SGO2: variants seen among roughly 807,000 people sequenced by gnomAD.
SGO2 encodes shugoshin-like 2.
Under a neutral mutation model 99.5 loss-of-function variants are expected in SGO2, and 68 were observed. That is an observed-to-expected ratio of 0.68 (90% confidence interval 0.56 to 0.84). The LOEUF is 0.84. Ranked by LOEUF, SGO2 falls within the 40% of genes least tolerant of loss-of-function variation. SGO2 has a pLI of 0.00. For missense variants in SGO2, 1,350 were observed against 1,436.7 expected, an observed-to-expected ratio of 0.94 and a Z score of 0.97; for synonymous variants, 457 against 487.1, an observed-to-expected ratio of 0.94 and a Z score of 0.81.
At chr2:200,582,564 T>G (rs1408215412) in intron 8 of SGO2, among the ~76,000 whole-genome samples, 1 of 152,132 alleles carries the variant, frequency 6.6e-6, no homozygotes, top group Non-Finnish European at 1.5e-5. Flanking sequence ...ATAGCTGGAA[T>G]TCACAATATT....
chr2:200,572,588 CA>C lies in SGO2; in HGVS notation c.2247del (p.Asp750IlefsTer9). ...TVKSHSLFLTQKDKEIIPGNL... is the reference protein window; with the variant it reads ...TVKSHSLFLTXKDKEIIPGNL... ...TAAAAGTCACTCACTCTTTTTAACG[CA>C]AAAAGATAAGGAAATCATCCCTGGA... On this transcript the variant is annotated frameshift_variant, in exon 7 of 9. Transcript: ENST00000357799. LOFTEE classifies it high-confidence loss of function. 6.2e-7 allele frequency: 1 copy of C among 1,612,094 alleles called. No individual in the cohort carries two copies. Among genetic ancestry groups the C allele is most frequent in the Non-Finnish European group, 8.5e-7 (1 of 1,178,734 alleles).
At position 200,573,231 on chromosome 2, in the gene SGO2, A is replaced by G. The variant is rs199710978; in HGVS notation, c.2885A>G (p.Tyr962Cys). ...TGCCAAGACATTATCAATAAACACT[A>G]TATGGAAGTCAACAGTAATGAAAAG... is the stretch of plus-strand genomic sequence containing the variant. ...LECQDIINKHYMEVNSNEKES... is the reference protein window; with the variant it reads ...LECQDIINKHCMEVNSNEKES... The change falls in exon 7 of 9, where the codon TAT (tyrosine) becomes TGT (cysteine). Residue 962 changes from tyrosine (Y) to cysteine (C), a missense_variant. Tyr to Cys is a radical substitution (Grantham distance 194, BLOSUM62 -2). Transcript: ENST00000357799. 6.9e-4 allele frequency: 1,090 copies of G among 1,589,166 alleles called. 14 individuals carry two copies. The highest frequency in any genetic ancestry group is 1.7e-4 in the Non-Finnish European group (198 of 1,173,174).
chr2:200,537,610 T>C (rs917832320), intron 4 of SGO2, among the ~76,000 whole-genome samples: 2 of 152,192 alleles, frequency 1.3e-5, no homozygotes, highest in African/African-American at 4.8e-5. Context: ...GGTTTCTCTT[T>C]ATTTTACTAA....
intron 5 of SGO2, among the ~76,000 whole-genome samples, chr2:200,550,544 A>G (rs1286667188): frequency 6.6e-6 from 1 of 152,122 alleles, no homozygotes; most frequent in Non-Finnish European, 1.5e-5. Flanking sequence ...TAAATGCACC[A>G]TTTACAACCA....
intron 4 of SGO2, among the ~76,000 whole-genome samples, chr2:200,538,386 G>A (rs2031798967): frequency 1.3e-5 from 2 of 152,124 alleles, no homozygotes; most frequent in South Asian, 4.1e-4. Flanking sequence ...TGACTCAAAA[G>A]TGACTGCAGT....
intron 5 of SGO2, among the ~76,000 whole-genome samples, chr2:200,560,934 G>T (rs1355299158): frequency 2.0e-5 from 3 of 152,038 alleles, no homozygotes; most frequent in Admixed American, 6.6e-5. Flanking sequence ...TCAAGTTTTT[G>T]GTTTCTTTTC....
intron 5 of SGO2, among the ~76,000 whole-genome samples, chr2:200,545,570 C>T (rs1264581246): frequency 6.6e-6 from 1 of 151,948 alleles, no homozygotes; most frequent in Non-Finnish European, 1.5e-5. Context: ...ATATACAGTG[C>T]CAAGATCTAC....
intron 8 of SGO2, chr2:200,580,599 A>G: frequency 3.1e-6 from 1 of 322,702 alleles, no homozygotes; most frequent in Non-Finnish European, 6.1e-6. Flanking sequence ...TGGGTGGCTG[A>G]GGTGAGAGGA....
At chr2:200,529,240 T>A (rs1490477748) in intron 1 of SGO2, among the ~76,000 whole-genome samples, 1 of 152,246 alleles carries the variant, frequency 6.6e-6, no homozygotes, top group African/African-American at 2.4e-5. Flanking sequence ...CATGCCATTC[T>A]TTCTTCCTGG....
At chr2:200,548,064 A>G (rs2032319659) in intron 5 of SGO2, among the ~76,000 whole-genome samples, 1 of 149,586 alleles carries the variant, frequency 6.7e-6, no homozygotes, top group African/African-American at 2.5e-5. Context: ...TTAACATCCC[A>G]CTCTCAGTAA....
chr2:200,560,914 A>T (rs1326990708), intron 5 of SGO2, among the ~76,000 whole-genome samples: 4 of 152,224 alleles, frequency 2.6e-5, no homozygotes, highest in African/African-American at 7.2e-5. Context: ...TAAAATAGAT[A>T]TGGGGCTTTT....
rs777131946 is a variant in SGO2 at position 200,573,793 on chromosome 2, T to G, written c.3447T>G (p.Asp1149Glu). Reference sequence around the variant, plus strand: ...AGATACATTCACCTAACATACAAGATTCTTCCTTTGACAGTGTTCGTGAAG... The same window carrying G: ...AGATACATTCACCTAACATACAAGAGTCTTCCTTTGACAGTGTTCGTGAAG... ...LSEIHSPNIQ[D>E]SSFDSVREGL... Residue 1149 changes from aspartate (D) to glutamate (E), a missense_variant, in exon 7 of 9, where the codon GAT becomes GAG. Transcript: ENST00000357799. The G allele has an allele frequency of 6.2e-7, 1 of 1,612,536 alleles. No homozygotes were observed. Among genetic ancestry groups the G allele is most frequent in the South Asian group, 1.1e-5 (1 of 90,812 alleles).
chr2:200,570,977 G>A lies in SGO2; in HGVS notation c.704-73G>A, dbSNP rs139329985. Reference sequence around the variant, plus strand: ...TATATCTGTGAAACAGCTTGATTTCGAATCTAATTTGTTTAAGGTAACTTA... The same window carrying A: ...TATATCTGTGAAACAGCTTGATTTCAAATCTAATTTGTTTAAGGTAACTTA... On this transcript the variant is annotated intron_variant, in intron 6 of 8. Transcript: ENST00000357799. This position sits in a 1 kb window ranked among gnomAD's most constrained non-coding sequence, Gnocchi z 4.4. The A allele has an allele frequency of 5.1e-5, 69 of 1,355,066 alleles. No homozygotes were observed. The highest frequency in any genetic ancestry group is 2.1e-4 in the East Asian group (9 of 42,062). 83.9% of individuals were successfully genotyped at this position (1,355,066 alleles called of 1,614,324 possible).
chr2:200,575,178 G>A (rs2033607624), intron 7 of SGO2, 133 bp from the exon 8 acceptor site: 1 of 472,482 alleles, frequency 2.1e-6, no homozygotes, highest in African/African-American at 2.0e-5. Flanking sequence ...TCAAATGTTA[G>A]TCTCTTTCCT....
rs1559216069 is a variant in SGO2 at position 200,571,650 on chromosome 2, G to A, written c.1304G>A (p.Arg435Lys). ...GAAAAGATTGAAAACAGGACAGAAA[G>A]ATCTGATGTCCTGGATGGCAAAAGG... ...IGEKIENRTE[R>K]SDVLDGKRGA... Residue 435 changes from arginine to lysine, a missense_variant, in exon 7 of 9, where the codon AGA (arginine) becomes AAA (lysine). Transcript: ENST00000357799. 6.2e-7 allele frequency: 1 copy of A among 1,613,576 alleles called. No homozygotes were observed. The highest frequency in any genetic ancestry group is 8.5e-7 in the Non-Finnish European group (1 of 1,179,704).
chr2:200,571,436 G>A lies in SGO2; in HGVS notation c.1090G>A (p.Asp364Asn). 1 of 1,610,926 alleles carries A rather than the reference G, an allele frequency of 6.2e-7. No homozygotes were observed. The highest frequency in any genetic ancestry group is 1.3e-5 in the African/African-American group (1 of 74,892). Residue 364 changes from aspartate to asparagine, a missense_variant, in exon 7 of 9, where the codon GAC (aspartate) becomes AAC (asparagine). Transcript: ENST00000357799. ...ATTGCAGAAAACTGTGTATGATGCT[G>A]ACATGGATTTAACTGCTAGTGAAGT... ...FQLQKTVYDA[D>N]MDLTASEVSK...
intron 4 of SGO2, among the ~76,000 whole-genome samples, chr2:200,538,365 C>G (rs1467901187): frequency 6.6e-6 from 1 of 152,154 alleles, no homozygotes; most frequent in Non-Finnish European, 1.5e-5. Context: ...AAGTTCCCGT[C>G]CTTCAAATGT....
chr2:200,563,259 T>A (rs910803173), intron 5 of SGO2, among the ~76,000 whole-genome samples: 47 of 152,360 alleles, frequency 3.1e-4, no homozygotes, highest in African/African-American at 1.1e-3. Flanking sequence ...TGGGAGTTTT[T>A]AGCATGAAGG....
chr2:200,528,905 C>T (rs1028469355), intron 1 of SGO2, among the ~76,000 whole-genome samples: 2 of 152,100 alleles, frequency 1.3e-5, no homozygotes, highest in Non-Finnish European at 2.9e-5. Context: ...AAGTGAAGAG[C>T]GTATTTCAAA....
Sources: allele counts gnomAD v4.1 joint callset (sites outside exome capture counted in the v4.1 genomes callset), GRCh38; gene constraint gnomAD v4.1.1; non-coding constraint Gnocchi (gnomAD v3.1); transcripts MANE v1.5; gene names NCBI Gene and HGNC (gene_info 2026-07-23, HGNC 2026-07-21).